SLC39A11: variants seen among roughly 807,000 people sequenced by gnomAD.
The protein encoded by SLC39A11 is zinc transporter ZIP11.
SLC39A11 carries 33 observed loss-of-function variants against 36.1 expected under a neutral mutation model. That is an observed-to-expected ratio of 0.91 (90% CI 0.69 to 1.22). SLC39A11 has a LOEUF of 1.22. SLC39A11 is among the 50% of genes most tolerant of loss of function. The pLI, the probability that SLC39A11 is intolerant of heterozygous loss-of-function variation, is 0.00. For missense variants in SLC39A11, 432 were observed against 430.3 expected, an observed-to-expected ratio of 1.00 and a Z score of -0.03; for synonymous variants, 166 against 170.3, an observed-to-expected ratio of 0.97 and a Z score of 0.20.
chr17:72,686,661 C>A (rs933273268), intron 7 of SLC39A11, among the ~76,000 whole-genome samples: 3 of 152,210 alleles, frequency 2.0e-5, no homozygotes, highest in Non-Finnish European at 4.4e-5. Context: ...CAGCTATGGC[C>A]CAACGACATG....
At chr17:73,013,387 C>T (rs1402446427) in intron 4 of SLC39A11, among the ~76,000 whole-genome samples, 1 of 152,250 alleles carries the variant, frequency 6.6e-6, no homozygotes, top group Admixed American at 6.5e-5. Context: ...CGCACTTGGC[C>T]CTGGTGTTTA....
At chr17:72,880,274 G>A (rs771226196) in intron 5 of SLC39A11, among the ~76,000 whole-genome samples, 1 of 152,186 alleles carries the variant, frequency 6.6e-6, no homozygotes, top group Non-Finnish European at 1.5e-5. Flanking sequence ...TTATGAAGAA[G>A]AAAAGAACTT....
intron 7 of SLC39A11, among the ~76,000 whole-genome samples, chr17:72,722,079 G>GAAA (rs34497288): frequency 6.8e-6 from 1 of 147,152 alleles, no homozygotes; most frequent in African/African-American, 2.6e-5. Context: ...AGTAGCCAAA[G>GAAA]AAAAAAAAAA....
intron 6 of SLC39A11, among the ~76,000 whole-genome samples, chr17:72,778,187 G>A (rs1240579500): frequency 6.6e-6 from 1 of 152,202 alleles, no homozygotes; most frequent in Admixed American, 6.5e-5. Flanking sequence ...TTACAGGCAT[G>A]AGCCACCAGG....
chr17:72,969,064 G>A (rs1385927908), intron 4 of SLC39A11, among the ~76,000 whole-genome samples: 3 of 152,108 alleles, frequency 2.0e-5, no homozygotes, highest in Non-Finnish European at 4.4e-5. Context: ...GCTCTCGGAG[G>A]CTTTTCCCAT....
intron 5 of SLC39A11, among the ~76,000 whole-genome samples, chr17:72,927,007 C>T (rs920439674): frequency 1.3e-5 from 2 of 152,144 alleles, no homozygotes; most frequent in East Asian, 1.9e-4. Flanking sequence ...AAAGAAAATG[C>T]CTCTTACAGA....
intron 5 of SLC39A11, among the ~76,000 whole-genome samples, chr17:72,944,102 C>G (rs1239139108): frequency 6.6e-6 from 1 of 152,158 alleles, no homozygotes; most frequent in Admixed American, 6.5e-5. Context: ...CACCTCATTA[C>G]TTATGCTTAT....
At chr17:73,045,754 T>A (rs376187557) in intron 3 of SLC39A11, among the ~76,000 whole-genome samples, 4 of 152,188 alleles carry the variant, frequency 2.6e-5, no homozygotes, top group African/African-American at 9.7e-5. Flanking sequence ...TTTGCCAAAA[T>A]TGTTAACTCC....
chr17:72,806,528 C>T (rs904511029), intron 6 of SLC39A11, among the ~76,000 whole-genome samples: 6 of 152,078 alleles, frequency 3.9e-5, no homozygotes, highest in African/African-American at 1.2e-4. Flanking sequence ...ACTTAGGGGG[C>T]CTTCCCACTC....
chr17:73,059,801 T>C (rs1257318813), intron 3 of SLC39A11, among the ~76,000 whole-genome samples: 3 of 152,086 alleles, frequency 2.0e-5, no homozygotes, highest in Non-Finnish European at 1.5e-5. Context: ...TAACGTAGAA[T>C]GACAGGTTGC....
At chr17:72,808,097 A>C (rs577623008) in intron 6 of SLC39A11, among the ~76,000 whole-genome samples, 1 of 152,162 alleles carries the variant, frequency 6.6e-6, no homozygotes, top group African/African-American at 2.4e-5. Flanking sequence ...TCTGTGTGTG[A>C]GTGTTGGGAA....
chr17:72,988,222 G>A (rs2088905258), intron 4 of SLC39A11, among the ~76,000 whole-genome samples: 1 of 152,228 alleles, frequency 6.6e-6, no homozygotes, highest in Admixed American at 6.5e-5. Context: ...GGGGGCCAAG[G>A]CGGGAAGATC....
At chr17:72,710,083 T>C (rs889442579) in intron 7 of SLC39A11, among the ~76,000 whole-genome samples, 1 of 152,206 alleles carries the variant, frequency 6.6e-6, no homozygotes, top group East Asian at 1.9e-4. Flanking sequence ...TTGCTTCCCC[T>C]GTCTCTCTTA....
intron 7 of SLC39A11, among the ~76,000 whole-genome samples, chr17:72,716,988 T>TACAC (rs1396345913): frequency 5.5e-5 from 7 of 126,880 alleles, no homozygotes; most frequent in African/African-American, 2.4e-4. Context: ...AAAATATATA[T>TACAC]ATATACACAC....
intron 5 of SLC39A11, among the ~76,000 whole-genome samples, chr17:72,878,065 C>T (rs1021756503): frequency 5.4e-5 from 8 of 148,164 alleles, no homozygotes; most frequent in South Asian, 2.2e-4. Context: ...TGAGAACACG[C>T]GGTGTTTGGT....
intron 6 of SLC39A11, among the ~76,000 whole-genome samples, chr17:72,738,369 A>T (rs1483543951): frequency 6.6e-6 from 1 of 152,072 alleles, no homozygotes; most frequent in Non-Finnish European, 1.5e-5. Flanking sequence ...CCACCCTCAT[A>T]TGGTGCAGAC....
chr17:73,004,349 T>C (rs1006280573), intron 4 of SLC39A11, among the ~76,000 whole-genome samples: 6 of 152,196 alleles, frequency 3.9e-5, no homozygotes, highest in African/African-American at 9.7e-5. Flanking sequence ...CATCAGGTTC[T>C]GACATGGCCT....
At chr17:72,732,035 CTTTTCT>C (rs2074242676) in intron 7 of SLC39A11, among the ~76,000 whole-genome samples, 1 of 43,306 alleles carries the variant, frequency 2.3e-5, no homozygotes, top group African/African-American at 7.6e-5. Context: ...TTTTTCTTTT[CTTTTCT>C]TTTTTTTTTT....
chr17:72,739,935 C>T (rs1304614265), intron 6 of SLC39A11, among the ~76,000 whole-genome samples: 1 of 151,560 alleles, frequency 6.6e-6, no homozygotes, highest in Non-Finnish European at 1.5e-5. Flanking sequence ...AACATAAAGT[C>T]AATTGACACA....
Sources: allele counts gnomAD v4.1 joint callset (sites outside exome capture counted in the v4.1 genomes callset), GRCh38; gene constraint gnomAD v4.1.1; transcripts MANE v1.5; gene names NCBI Gene and HGNC (gene_info 2026-07-23, HGNC 2026-07-21).